Variants in ZNF106 observed in about 807,000 individuals in gnomAD.
ZNF106 encodes zinc finger protein 106.
A neutral mutation model predicts 195.1 loss-of-function variants in ZNF106; 67 were observed. That is an observed-to-expected ratio of 0.34 (90% CI 0.28 to 0.42). The LOEUF (loss-of-function observed/expected upper bound fraction) is 0.42, where lower values mean the gene tolerates loss of function less well. Among genes scored for constraint, ZNF106 ranks in the 10% least tolerant of loss-of-function variants. The pLI, the probability that ZNF106 is intolerant of heterozygous loss-of-function variation, is 1.00. For synonymous variants in ZNF106, 784 were observed against 818.6 expected (o/e 0.96, Z 0.72); for missense variants, 2,118 against 2,304.5 (o/e 0.92, Z 1.66).
Position 42,439,319 on chromosome 15 carries a change from T to C in ZNF106, c.4258A>G (p.Thr1420Ala). 6.2e-7 allele frequency: 1 copy of C among 1,614,148 alleles called. No individual in the cohort carries two copies. The highest frequency in any genetic ancestry group is 8.5e-7 in the Non-Finnish European group (1 of 1,180,036). The change falls in exon 11 of 22, where the codon ACA becomes GCA. Residue 1420 changes from threonine to alanine, a missense_variant. Transcript: ENST00000564754. ...AGKLIKGGKV[T>A]TSTWEDSRTG... ...CTGCTGTCTTCCCAAGTGGAGGTTG[T>C]TACTTTCCCCCCTTTAATTAACTTT... is the stretch of plus-strand genomic sequence containing the variant.
intron 1 of ZNF106, among the ~76,000 whole-genome samples, chr15:42,488,420 C>A (rs984818832): frequency 2.6e-5 from 4 of 152,134 alleles, no homozygotes; most frequent in African/African-American, 9.7e-5. Flanking sequence ...TTGATAGTTT[C>A]TTTCAGATTA....
At position 42,413,269 on chromosome 15, in the gene ZNF106, C is replaced by G. The variant is rs2141236052; in HGVS notation, c.*4035G>C. 1 of 152,302 alleles carries G rather than the reference C, an allele frequency of 6.6e-6. No individual in the cohort carries two copies. Among genetic ancestry groups the G allele is most frequent in the South Asian group, 2.1e-4 (1 of 4,826 alleles). 9.4% of individuals were successfully genotyped at this position (152,302 alleles called of 1,614,324 possible). ...ATCCACTTGCATAAGGAAACCTAGT[C>G]TATCCCAAATCACCTCCACCACAAC... On this transcript the variant is annotated 3_prime_UTR_variant, in exon 22 of 22. Transcript: ENST00000564754.
chr15:42,462,838 C>T lies in ZNF106; in HGVS notation c.116+3215G>A, dbSNP rs143511536. The stretch of plus-strand genomic sequence containing the variant: ...TCTCACTGCCACCCAGGCTGGAGTG[C>T]AGTGGCACAATCATAGCTCACTGCA... On this transcript the variant is annotated intron_variant, in intron 3 of 21. Coordinates refer to ENST00000564754, the MANE Select transcript of ZNF106 (RefSeq NM_001366845.3). Among the ~76,000 whole-genome samples, 8 of 152,320 alleles carry T rather than the reference C, an allele frequency of 5.3e-5. No individual in the cohort carries two copies. In the East Asian group the frequency reaches 1.5e-3, roughly 29 times the overall value.
At chr15:42,484,445 G>T (rs1317307704) in intron 1 of ZNF106, among the ~76,000 whole-genome samples, 1 of 152,156 alleles carries the variant, frequency 6.6e-6, no homozygotes, top group African/African-American at 2.4e-5. Context: ...ATATAGACAG[G>T]CATGTGATAT....
At chr15:42,490,014 G>C (rs2057110338) in intron 1 of ZNF106, among the ~76,000 whole-genome samples, 1 of 151,958 alleles carries the variant, frequency 6.6e-6, no homozygotes, top group Non-Finnish European at 1.5e-5. Context: ...ACTCCAGCCT[G>C]GGCGAAAGAG....
intron 7 of ZNF106, among the ~76,000 whole-genome samples, chr15:42,445,264 C>T (rs374979192): frequency 1.3e-5 from 2 of 152,198 alleles, no homozygotes; most frequent in South Asian, 2.1e-4. Flanking sequence ...CAGGTGAAAT[C>T]TGTCCCATGC....
chr15:42,465,379 G>A (rs1290717856), intron 3 of ZNF106, among the ~76,000 whole-genome samples: 2 of 152,092 alleles, frequency 1.3e-5, no homozygotes, highest in Admixed American at 6.5e-5. Context: ...CTAAGCTCAA[G>A]TGATCCTCCC....
rs1043787556 is a variant in ZNF106, at chr15:42,413,332, G to C, written c.*3972C>G. 1.3e-5 allele frequency: 2 copies of C among 152,138 alleles called. No individual in the cohort carries two copies. The highest frequency in any genetic ancestry group is 6.5e-5 in the Admixed American group (1 of 15,276). 9.4% of individuals were successfully genotyped at this position (152,138 alleles called of 1,614,324 possible). On this transcript the variant is annotated 3_prime_UTR_variant, in exon 22 of 22. Coordinates refer to ENST00000564754, the MANE Select transcript of ZNF106 (RefSeq NM_001366845.3). ...CTATTAGACCACTTCTCTTAAACCC[G>C]AGGAACCTGATGATTTGGGGGCAGG... is the stretch of plus-strand genomic sequence containing the variant.
At chr15:42,478,521 T>C (rs1013281926) in intron 1 of ZNF106, among the ~76,000 whole-genome samples, 6 of 134,666 alleles carry the variant, frequency 4.5e-5, no homozygotes, top group African/African-American at 9.6e-5. Context: ...TCTTTTTTTT[T>C]TTTTTTTTTT....
chr15:42,474,081 G>A (rs2056734611), intron 1 of ZNF106, among the ~76,000 whole-genome samples: 2 of 152,154 alleles, frequency 1.3e-5, no homozygotes, highest in African/African-American at 4.8e-5. Context: ...TCCAGGTCCA[G>A]CCACCAATGA....
intron 15 of ZNF106, chr15:42,425,363 CA>C: frequency 4.2e-6 from 1 of 237,478 alleles, no homozygotes; most frequent in East Asian, 9.7e-5. Context: ...CTTTTTTTTT[CA>C]AACTCTAGTG....
rs764388825 is a variant in ZNF106, at chr15:42,451,422, T to C, written c.850A>G (p.Met284Val). The change falls in exon 5 of 22, where the codon ATG becomes GTG. Residue 284 changes from methionine to valine, a missense_variant. Met to Val is a conservative substitution (Grantham distance 21). Transcript: ENST00000564754. ...TTATTAGATTTCTTGTTCCATAGCA[T>C]AGTCATGTCTTCCATTTGACAGTTA... ...NSNCQMEDMTMLWNKKSNKSN... is the reference protein window; with the variant it reads ...NSNCQMEDMTVLWNKKSNKSN... 33 of 1,614,102 alleles carry C rather than the reference T, an allele frequency of 2.0e-5. No individual in the cohort carries two copies. Among genetic ancestry groups the C allele is most frequent in the East Asian group, 1.3e-4 (6 of 44,904 alleles).
At position 42,439,289 on chromosome 15, in the gene ZNF106, C is replaced by A; in HGVS notation, c.4288G>T (p.Gly1430Cys). 6.2e-7 allele frequency: 1 copy of A among 1,614,170 alleles called. No individual in the cohort carries two copies. Among genetic ancestry groups the A allele is most frequent in the Non-Finnish European group, 8.5e-7 (1 of 1,180,042 alleles). The stretch of plus-strand genomic sequence containing the variant: ...TCTCTGACACTCTCCTGCTCCCGAC[C>A]AGTCCTGCTGTCTTCCCAAGTGGAG... ...TTSTWEDSRTGREQESVRDEP... is the reference protein window; with the variant it reads ...TTSTWEDSRTCREQESVRDEP... Residue 1430 changes from glycine to cysteine, a missense_variant, in exon 11 of 22, where the codon GGT becomes TGT. Physicochemically the swap from Gly to Cys is radical, Grantham distance 159. Transcript: ENST00000564754.
At chr15:42,428,216 T>C (rs2054925937) in intron 14 of ZNF106, 82 bp from the exon 15 acceptor site, 1 of 1,101,906 alleles carries the variant, frequency 9.1e-7, no homozygotes, top group East Asian at 2.5e-5. Flanking sequence ...AAAGCAGACT[T>C]TAAAATGACT....
Position 42,450,036 on chromosome 15 carries a change from C to G in ZNF106, c.2236G>C (p.Gly746Arg). The stretch of plus-strand genomic sequence containing the variant: ...TCCCTCTGAAGTGAGGCAGGAAAGC[C>G]AAGCTTACTTAGTTCAGGCAGGAGA... Reference protein sequence around the residue: ...GPLLPELSKLGFPASLQRDLT... With the variant: ...GPLLPELSKLRFPASLQRDLT... Residue 746 changes from glycine (G) to arginine (R), a missense_variant, in exon 5 of 22, where the codon GGC (glycine) becomes CGC (arginine). Gly to Arg is a moderately radical substitution (Grantham distance 125, BLOSUM62 -2). Transcript: ENST00000564754. The G allele has an allele frequency of 6.2e-7, 1 of 1,614,176 alleles. No homozygotes were observed. Among genetic ancestry groups the G allele is most frequent in the Non-Finnish European group, 8.5e-7 (1 of 1,180,036 alleles).
intron 10 of ZNF106, 123 bp from the exon 11 acceptor site, chr15:42,439,936 T>C: frequency 9.8e-7 from 1 of 1,021,346 alleles, no homozygotes; most frequent in East Asian, 2.8e-5. Context: ...TCAGCTGGTA[T>C]CTCACCCCTC....
chr15:42,452,390 G>A (rs945001939), intron 4 of ZNF106, among the ~76,000 whole-genome samples: 1 of 151,946 alleles, frequency 6.6e-6, no homozygotes, highest in Admixed American at 6.6e-5. Flanking sequence ...AGGCGTAGTG[G>A]AGCACGCCTG....
chr15:42,437,629 A>G (rs2055332465), intron 12 of ZNF106, among the ~76,000 whole-genome samples: 1 of 152,198 alleles, frequency 6.6e-6, no homozygotes, highest in African/African-American at 2.4e-5. Context: ...CTTTTGGGCC[A>G]GGCGTGGTGA....
intron 14 of ZNF106, among the ~76,000 whole-genome samples, chr15:42,429,310 G>A (rs768145381): frequency 5.9e-5 from 9 of 151,436 alleles, no homozygotes; most frequent in African/African-American, 1.9e-4. Context: ...ATGGTGGTGC[G>A]TGCTTGTAGT....
Sources: allele counts gnomAD v4.1 joint callset (sites outside exome capture counted in the v4.1 genomes callset), GRCh38; gene constraint gnomAD v4.1.1; transcripts MANE v1.5; gene names NCBI Gene and HGNC (gene_info 2026-07-23, HGNC 2026-07-21).